The following SBF2 variants were observed in gnomAD, a reference collection of about 807,000 sequenced individuals.
The protein encoded by SBF2 is SET binding factor 2.
A neutral mutation model predicts 225.2 loss-of-function variants in SBF2; 112 were observed. The observed-to-expected ratio is 0.50, with a 90% CI of 0.43 to 0.58. The LOEUF (loss-of-function observed/expected upper bound fraction) is 0.58. Among genes scored for constraint, SBF2 ranks in the 20% least tolerant of loss-of-function variants. SBF2 has a pLI of 0.00. For synonymous variants in SBF2, 763 were observed against 773.3 expected (o/e 0.99, Z 0.22); for missense variants, 1,996 against 2,206.2 (o/e 0.90, Z 1.91).
chr11:10,234,761 C>G (rs1460433942), intron 1 of SBF2, among the ~76,000 whole-genome samples: 2 of 152,104 alleles, frequency 1.3e-5, no homozygotes, highest in Admixed American at 6.5e-5. Flanking sequence ...AGGAATAATC[C>G]TCCATCTCTA....
chr11:10,205,415 G>A (rs916939985), intron 1 of SBF2, among the ~76,000 whole-genome samples: 5 of 151,914 alleles, frequency 3.3e-5, no homozygotes, highest in African/African-American at 9.7e-5. Context: ...GCAACCAAAG[G>A]AGAACTCTGA....
chr11:9,963,748 C>T (rs1866730799), intron 15 of SBF2, 25 bp downstream of exon 15: 1 of 1,127,178 alleles, frequency 8.9e-7, no homozygotes, highest in African/African-American at 1.5e-5. Flanking sequence ...TAAATGCTTA[C>T]TTGGGAAAGA....
intron 2 of SBF2, among the ~76,000 whole-genome samples, chr11:10,079,717 T>C (rs936143074): frequency 6.6e-6 from 1 of 152,080 alleles, no homozygotes; most frequent in Non-Finnish European, 1.5e-5. Flanking sequence ...GATCCAGATA[T>C]TCAAATACAA....
chr11:9,908,356 T>A (rs1862273447), intron 16 of SBF2, among the ~76,000 whole-genome samples: 1 of 152,240 alleles, frequency 6.6e-6, no homozygotes, highest in African/African-American at 2.4e-5. Context: ...CTTGGTGCGG[T>A]GGCTCACGCC....
intron 2 of SBF2, among the ~76,000 whole-genome samples, chr11:10,083,129 T>C (rs1480979932): frequency 1.3e-5 from 2 of 152,220 alleles, no homozygotes; most frequent in African/African-American, 4.8e-5. Flanking sequence ...CTATTTACAA[T>C]AGCTACCAAA....
In SBF2 at chr11:9,795,879, G is replaced by A. The variant is rs141108330; in HGVS notation, c.4522C>T (p.Arg1508Cys). Residue 1508 changes from arginine (R) to cysteine (C), a missense_variant, in exon 33 of 40, where the codon CGC becomes TGC. Transcript: ENST00000256190. ...GAATCCAGGAGAAATGTTTTAAAGC[G>A]ATTAGACACATAGTGGAAAGCCAAG... ...KFLAFHYVSNRFKTFLLDSDY... is the reference protein window; with the variant it reads ...KFLAFHYVSNCFKTFLLDSDY... 2.8e-4 allele frequency: 456 copies of A among 1,613,550 alleles called. 1 individual carries two copies. The highest frequency in any genetic ancestry group is 3.1e-4 in the Non-Finnish European group (370 of 1,179,612).
chr11:10,106,521 G>A (rs1201183885), intron 2 of SBF2, among the ~76,000 whole-genome samples: 4 of 151,486 alleles, frequency 2.6e-5, no homozygotes, highest in Admixed American at 6.6e-5. Context: ...CCCAGGTGGC[G>A]TATGCCTGGA....
At chr11:9,888,529 A>C (rs1372408634) in intron 17 of SBF2, among the ~76,000 whole-genome samples, 1 of 151,836 alleles carries the variant, frequency 6.6e-6, no homozygotes, top group Non-Finnish European at 1.5e-5. Context: ...GAAATATATG[A>C]ATATTTGAAA....
chr11:10,025,492 G>A (rs550898520), intron 6 of SBF2, among the ~76,000 whole-genome samples: 1 of 152,134 alleles, frequency 6.6e-6, no homozygotes, highest in East Asian at 1.9e-4. Flanking sequence ...ATCAACAAGG[G>A]CCCTTAGGAA....
intron 2 of SBF2, among the ~76,000 whole-genome samples, chr11:10,082,403 A>G (rs1324275333): frequency 6.6e-6 from 1 of 152,180 alleles, no homozygotes; most frequent in Non-Finnish European, 1.5e-5. Flanking sequence ...CTGATATCAA[A>G]GCACAGTAAA....
intron 23 of SBF2, 92 bp downstream of exon 23, chr11:9,846,864 C>T (rs1856585125): frequency 7.1e-7 from 1 of 1,406,398 alleles, no homozygotes; most frequent in African/African-American, 1.4e-5. Context: ...ATCCTCTTAA[C>T]TTCTGAGCAC....
chr11:9,793,984 CTT>C (rs1034649118), intron 33 of SBF2, among the ~76,000 whole-genome samples: 10 of 152,156 alleles, frequency 6.6e-5, no homozygotes, highest in African/African-American at 2.4e-4. Flanking sequence ...AAACCAAAAA[CTT>C]AGCCTGGGCA....
rs375490911 is a variant in SBF2, at chr11:10,102,480, T to C, written c.142-59499A>G. On this transcript the variant is annotated intron_variant, in intron 2 of 39. Transcript: ENST00000256190. Reference sequence around the variant, plus strand: ...AGGTATAGAAGGAAAAAGTAGAATATGGTTTTGCTGGGAGATCAAAAGAAG... The same window carrying C: ...AGGTATAGAAGGAAAAAGTAGAATACGGTTTTGCTGGGAGATCAAAAGAAG... Among the ~76,000 whole-genome samples the C allele has an allele frequency of 1.1e-4, 17 of 152,332 alleles. No homozygotes were observed. The East Asian group carries it at 1.2e-3, about 10-fold the overall frequency.
rs753251827 is a variant in SBF2 at position 9,808,928 on chromosome 11, C to T, written c.4230G>A (p.Leu1410=). 3 of 1,613,890 alleles carry T rather than the reference C, an allele frequency of 1.9e-6. 1 individual carries two copies. In the South Asian group the frequency reaches 3.3e-5, roughly 18 times the overall value. Residue 1410 remains leucine, a synonymous_variant, in exon 31 of 40, where the codon TTG becomes TTA. Transcript: ENST00000256190. ...LENGSSVLVC[L]EEGWDITAQV... is the part of the protein sequence containing the mutation. ...GTGCAGTGATGTCCCAGCCTTCCTC[C>T]AAACAGACCAAAACTGAGGAACCAT...
At chr11:10,265,675 T>C (rs1471965303) in intron 1 of SBF2, among the ~76,000 whole-genome samples, 3 of 152,120 alleles carry the variant, frequency 2.0e-5, no homozygotes, top group Non-Finnish European at 4.4e-5. Flanking sequence ...TATGCACCTA[T>C]GTAAATAATA....
At chr11:10,141,539 C>G (rs1954645787) in intron 2 of SBF2, among the ~76,000 whole-genome samples, 1 of 152,126 alleles carries the variant, frequency 6.6e-6, no homozygotes, top group Non-Finnish European at 1.5e-5. Flanking sequence ...GAAATCATTT[C>G]TTTCAAAAGA....
Position 10,116,734 on chromosome 11 carries a change from G to A in SBF2, c.142-73753C>T, listed in dbSNP as rs1415037842. On this transcript the variant is annotated intron_variant, in intron 2 of 39. Coordinates refer to ENST00000256190, the MANE Select transcript of SBF2 (RefSeq NM_030962.4). ...GTCTCTTTAAGTAAGTCTCCATCTTGCTTACAACTCTGCCTTGGTCCTCAC... is the reference window on the plus strand; with the variant it reads ...GTCTCTTTAAGTAAGTCTCCATCTTACTTACAACTCTGCCTTGGTCCTCAC... Among the ~76,000 whole-genome samples, 7 of 151,736 alleles carry A rather than the reference G, an allele frequency of 4.6e-5. No homozygotes were observed. In the East Asian group the frequency reaches 1.4e-3, roughly 29 times the overall value.
At chr11:9,817,107 C>G in intron 28 of SBF2, 83 bp from the exon 29 acceptor site, 1 of 1,480,968 alleles carries the variant, frequency 6.8e-7, no homozygotes, top group Non-Finnish European at 9.4e-7. Context: ...TGCTCTGGAG[C>G]TACAGTTTTA....
At chr11:10,123,497 T>C (rs1401807717) in intron 2 of SBF2, among the ~76,000 whole-genome samples, 2 of 152,164 alleles carry the variant, frequency 1.3e-5, no homozygotes, top group Non-Finnish European at 2.9e-5. Context: ...ATTTAAGTTT[T>C]TGTATTCATA....
Sources: allele counts gnomAD v4.1 joint callset (sites outside exome capture counted in the v4.1 genomes callset), GRCh38; gene constraint gnomAD v4.1.1; transcripts MANE v1.5; gene names NCBI Gene and HGNC (gene_info 2026-07-23, HGNC 2026-07-21).